MYOF: variants seen among roughly 807,000 people sequenced by gnomAD.
MYOF encodes the protein fer-1-like 3, myoferlin.
Under a neutral mutation model 284.2 loss-of-function variants are expected in MYOF, and 244 were observed. The ratio of observed to expected loss-of-function variants is 0.86; its 90% CI spans 0.77 to 0.95. The LOEUF (loss-of-function observed/expected upper bound fraction) is 0.95, where lower values mean the gene tolerates loss of function less well. MYOF is among the 40% of genes least tolerant of loss of function. MYOF has a pLI of 0.00. For missense variants in MYOF, 2,496 were observed against 2,560.6 expected, an observed-to-expected ratio of 0.97 and a Z score of 0.54; for synonymous variants, 904 against 919.7, an observed-to-expected ratio of 0.98 and a Z score of 0.31.
intron 3 of MYOF, among the ~76,000 whole-genome samples, chr10:93,434,430 CAAAA>C (rs71031508): frequency 8.8e-5 from 11 of 124,378 alleles, no homozygotes; most frequent in South Asian, 2.6e-4. Flanking sequence ...GACCCTGTCT[CAAAA>C]AAAAAAAAAA....
intron 1 of MYOF, among the ~76,000 whole-genome samples, chr10:93,471,889 C>CA (rs35028422): frequency 1.8e-3 from 256 of 140,430 alleles, no homozygotes; most frequent in African/African-American, 5.5e-3. Flanking sequence ...AACACTGTCT[C>CA]AAAAAAAAAA....
intron 1 of MYOF, among the ~76,000 whole-genome samples, chr10:93,460,925 T>C (rs992910284): frequency 5.3e-5 from 8 of 151,810 alleles, no homozygotes; most frequent in Non-Finnish European, 1.2e-4. Flanking sequence ...GTGAAACCCA[T>C]CTCTACTAAA....
chr10:93,441,211 GA>G (rs2056237549), intron 3 of MYOF, among the ~76,000 whole-genome samples: 1 of 152,144 alleles, frequency 6.6e-6, no homozygotes, highest in Admixed American at 6.5e-5. Context: ...GGTCAGAAAT[GA>G]GCTTTATAAC....
intron 4 of MYOF, among the ~76,000 whole-genome samples, chr10:93,430,581 C>CAAAAAA: frequency 1.2e-5 from 1 of 86,188 alleles, no homozygotes; most frequent in Non-Finnish European, 2.4e-5. Flanking sequence ...GACTCCATCT[C>CAAAAAA]AAAAAAAAAA....
chr10:93,421,554 G>T (rs190375627), intron 5 of MYOF, among the ~76,000 whole-genome samples: 1 of 152,288 alleles, frequency 6.6e-6, no homozygotes, highest in Non-Finnish European at 1.5e-5. Flanking sequence ...GAAGGTGTTT[G>T]GGTCATGGGG....
At chr10:93,404,991 T>G (rs1007074895) in intron 7 of MYOF, among the ~76,000 whole-genome samples, 20 of 152,194 alleles carry the variant, frequency 1.3e-4, no homozygotes, top group African/African-American at 4.6e-4. Context: ...TTACTCCAAC[T>G]GAGACTTTTT....
intron 19 of MYOF, among the ~76,000 whole-genome samples, chr10:93,387,588 A>T (rs1344497089): frequency 6.6e-6 from 1 of 152,200 alleles, no homozygotes; most frequent in Non-Finnish European, 1.5e-5. Flanking sequence ...CAAACAGGTC[A>T]TTCAGTTTGT....
rs899671118 is a variant in MYOF at position 93,380,055 on chromosome 10, A to G, written c.1877-68T>C. 7 of 1,560,592 alleles carry G rather than the reference A, an allele frequency of 4.5e-6. No homozygotes were observed. The African/African-American group carries it at 8.1e-5, about 18-fold the overall frequency. ...AATAGACAGCATGTTTATTAAAGAG[A>G]TGTGCAGACTGAGCTGCTGATTAAT... On this transcript the variant is annotated intron_variant, in intron 20 of 53. Coordinates refer to ENST00000359263, the MANE Select transcript of MYOF (RefSeq NM_013451.4).
At chr10:93,335,605 G>GGAAGAGAT (rs202015111) in intron 41 of MYOF, among the ~76,000 whole-genome samples, 3,205 of 135,556 alleles carry the variant, frequency 0.024, 123 homozygotes, top group African/African-American at 0.079. Flanking sequence ...CAGGGAGGCA[G>GGAAGAGAT]GAAGAGATGC....
rs746918577 is a variant in MYOF at position 93,343,915 on chromosome 10, G to A, written c.4267C>T (p.Pro1423Ser). Residue 1423 changes from proline (P) to serine (S), a missense_variant, in exon 38 of 54, where the codon CCA (proline) becomes TCA (serine). By Grantham distance (74) the Pro-to-Ser change is moderately conservative. Around this residue, in one of 3 missense-constraint regions of MYOF, gnomAD observed 2,436 missense variants for 2,480.7 expected, o/e 0.98. Transcript: ENST00000359263. ...PQLKASLLSAPPCRDIVIEME... is the reference protein window; with the variant it reads ...PQLKASLLSASPCRDIVIEME... ...TCGATAACGATGTCCCGGCATGGTG[G>A]GGCAGACAGAAGGGAGGCTGCAAGA... 1.9e-6 allele frequency: 3 copies of A among 1,614,142 alleles called. No homozygotes were observed. The highest frequency in any genetic ancestry group is 1.1e-5 in the South Asian group (1 of 91,068).
At chr10:93,396,045 C>A (rs976918563) in intron 16 of MYOF, 97 bp downstream of exon 16, 5 of 905,250 alleles carry the variant, frequency 5.5e-6, no homozygotes, top group East Asian at 2.5e-5. Flanking sequence ...TCTAAGAAAC[C>A]AAACCTACTG....
chr10:93,423,392 T>C (rs1386544286), intron 5 of MYOF, among the ~76,000 whole-genome samples: 1 of 150,952 alleles, frequency 6.6e-6, no homozygotes, highest in Non-Finnish European at 1.5e-5. Context: ...GCGGGTGTGG[T>C]CGCGGGCGCC....
chr10:93,364,136 T>C (rs1316117912), intron 26 of MYOF, 61 bp from the exon 27 acceptor site: 4 of 1,408,024 alleles, frequency 2.8e-6, no homozygotes, highest in East Asian at 4.6e-5. Context: ...GCCTCGGCGA[T>C]TGCCAACACT....
At chr10:93,390,464 G>T (rs748029541) in intron 17 of MYOF, among the ~76,000 whole-genome samples, 1 of 152,228 alleles carries the variant, frequency 6.6e-6, no homozygotes, top group Non-Finnish European at 1.5e-5. Flanking sequence ...AGCCTAGGAT[G>T]CCACATGTCA....
In MYOF at chr10:93,404,221, T is replaced by A. The variant is rs1033346551; in HGVS notation, c.730-2A>T. On this transcript the variant is annotated splice_acceptor_variant, in intron 7 of 53. Coordinates refer to ENST00000359263, the MANE Select transcript of MYOF (RefSeq NM_013451.4). LOFTEE classifies it high-confidence loss of function. ...CATGTTGACATTGTAGAAAAACAAC[T>A]GCCAAAACAATAGAGCAGATGTTTA... 8 of 1,613,930 alleles carry A rather than the reference T, an allele frequency of 5.0e-6. No homozygotes were observed. The highest frequency in any genetic ancestry group is 6.8e-6 in the Non-Finnish European group (8 of 1,179,936).
chr10:93,411,001 A>C (rs1320159904), intron 5 of MYOF, among the ~76,000 whole-genome samples: 1 of 152,226 alleles, frequency 6.6e-6, no homozygotes, highest in Non-Finnish European at 1.5e-5. Context: ...TCTAAGCTTC[A>C]GTTTCTTCAT....
At chr10:93,369,805 T>C (rs752326717) in intron 24 of MYOF, 29 bp from the exon 25 acceptor site, 33 of 1,613,302 alleles carry the variant, frequency 2.0e-5, no homozygotes, top group Non-Finnish European at 2.7e-5. Context: ...CATGTGATGT[T>C]ACATTAGGCA....
intron 49 of MYOF, among the ~76,000 whole-genome samples, chr10:93,317,249 T>C (rs1021133298): frequency 8.4e-6 from 1 of 118,400 alleles, no homozygotes; most frequent in Admixed American, 1.1e-4. Context: ...GAGTATGCTC[T>C]CATTTTACAT....
intron 45 of MYOF, among the ~76,000 whole-genome samples, chr10:93,326,939 C>T (rs1843073798): frequency 6.6e-6 from 1 of 152,036 alleles, no homozygotes; most frequent in African/African-American, 2.4e-5. Flanking sequence ...CTGTGATATT[C>T]TAAAAACATA....
Sources: allele counts gnomAD v4.1 joint callset (sites outside exome capture counted in the v4.1 genomes callset), GRCh38; gene constraint gnomAD v4.1.1; regional missense constraint gnomAD v4.1.1; transcripts MANE v1.5; gene names NCBI Gene and HGNC (gene_info 2026-07-23, HGNC 2026-07-21).